Variants in SGCZ observed in about 807,000 individuals in gnomAD.
SGCZ encodes zeta-sarcoglycan.
A neutral mutation model predicts 41.3 loss-of-function variants in SGCZ; 40 were observed. The observed-to-expected ratio is 0.97, with a 90% CI of 0.75 to 1.26. The LOEUF is 1.26. Ranked by LOEUF, SGCZ falls within the 50% of genes most tolerant of loss-of-function variation. The pLI is 0.00. For synonymous variants in SGCZ, 206 were observed against 137.5 expected (o/e 1.50, Z -3.49); for missense variants, 552 against 369.8 (o/e 1.49, Z -4.04).
intron 2 of SGCZ, among the ~76,000 whole-genome samples, chr8:14,342,075 A>G (rs1228534936): frequency 2.0e-5 from 3 of 152,316 alleles, no homozygotes; most frequent in Admixed American, 6.5e-5. Flanking sequence ...AAAATGTAGG[A>G]AAGTTTGGAA....
intron 4 of SGCZ, among the ~76,000 whole-genome samples, chr8:14,181,051 C>T (rs995209766): frequency 6.6e-6 from 1 of 152,136 alleles, no homozygotes; most frequent in African/African-American, 2.4e-5. Context: ...GGCTATTATG[C>T]CCCCTCCTAG....
At chr8:14,624,629 T>G (rs6989004) in intron 1 of SGCZ, among the ~76,000 whole-genome samples, 54,805 of 144,140 alleles carry the variant, frequency 0.38, 10,791 homozygotes, top group East Asian at 0.69. Flanking sequence ...GGAGTGCAGT[T>G]GTGTGATCTC....
At chr8:15,212,202 G>C (rs1464007686) in intron 1 of SGCZ, among the ~76,000 whole-genome samples, 1 of 152,038 alleles carries the variant, frequency 6.6e-6, no homozygotes, top group Non-Finnish European at 1.5e-5. Flanking sequence ...AATCTCTTAA[G>C]GCTCATTGTT....
At chr8:14,293,840 G>A (rs1800924574) in intron 3 of SGCZ, among the ~76,000 whole-genome samples, 2 of 151,798 alleles carry the variant, frequency 1.3e-5, no homozygotes, top group African/African-American at 4.8e-5. Context: ...GTCTTTAGAA[G>A]ATCAAAGTAG....
intron 2 of SGCZ, among the ~76,000 whole-genome samples, chr8:14,345,482 G>A (rs886890028): frequency 3.9e-5 from 6 of 152,232 alleles, no homozygotes; most frequent in Admixed American, 1.3e-4. Context: ...TATGGGTATA[G>A]GTTATGGAGA....
chr8:15,129,707 CAAAAA>C (rs59401421), intron 1 of SGCZ, among the ~76,000 whole-genome samples: 1 of 107,886 alleles, frequency 9.3e-6, no homozygotes, highest in South Asian at 3.3e-4. Flanking sequence ...GAAGCATTTG[CAAAAA>C]AAAAAAAAAA....
intron 1 of SGCZ, among the ~76,000 whole-genome samples, chr8:14,736,581 G>A (rs780710858): frequency 1.2e-4 from 18 of 152,124 alleles, no homozygotes; most frequent in Non-Finnish European, 1.8e-4. Flanking sequence ...CATCACCTGA[G>A]CAGTACACAC....
chr8:14,687,084 A>G (rs1029338827), intron 1 of SGCZ, among the ~76,000 whole-genome samples: 4 of 151,234 alleles, frequency 2.6e-5, no homozygotes, highest in African/African-American at 9.7e-5. Flanking sequence ...TGTACATTTT[A>G]CATTATTTCA....
chr8:14,797,281 T>G, intron 1 of SGCZ, among the ~76,000 whole-genome samples: 1 of 152,184 alleles, frequency 6.6e-6, no homozygotes, highest in East Asian at 1.9e-4. Flanking sequence ...TAGAGACTTG[T>G]TGAATGACTT....
chr8:14,819,111 A>G (rs966229061), intron 1 of SGCZ, among the ~76,000 whole-genome samples: 5 of 148,740 alleles, frequency 3.4e-5, no homozygotes, highest in African/African-American at 5.1e-5. Flanking sequence ...TCAAACTCTC[A>G]AAAGTAAAAG....
In SGCZ at chr8:14,169,598, C is replaced by T. The variant is rs189152526; in HGVS notation, c.425-4896G>A. Among the ~76,000 whole-genome samples, 648 of 152,256 alleles carry T rather than the reference C, an allele frequency of 4.3e-3. 5 individuals carry two copies. Among genetic ancestry groups the T allele is most frequent in the Non-Finnish European group, 7.0e-3 (476 of 68,022 alleles). ...CTCCTTTGTCACCCATGTCCATCTC[C>T]TTTACCAACAACACACTTCCTGTAG... On this transcript the variant is annotated intron_variant, in intron 4 of 7. Transcript: ENST00000382080.
chr8:14,959,881 G>C (rs1320503255), intron 1 of SGCZ, among the ~76,000 whole-genome samples: 3 of 152,148 alleles, frequency 2.0e-5, no homozygotes, highest in Admixed American at 1.3e-4. Context: ...CAGGTAATTA[G>C]CTTTTCCTGA....
chr8:14,640,859 G>A (rs937869577), intron 1 of SGCZ, among the ~76,000 whole-genome samples: 1 of 151,606 alleles, frequency 6.6e-6, no homozygotes, highest in African/African-American at 2.4e-5. Flanking sequence ...CTGGGTATGA[G>A]ACACTAAACA....
intron 1 of SGCZ, among the ~76,000 whole-genome samples, chr8:14,943,633 G>A (rs1800348102): frequency 6.6e-6 from 1 of 152,094 alleles, no homozygotes; most frequent in Admixed American, 6.6e-5. Context: ...TAAACTGTGT[G>A]TCATGGGGGT....
Position 15,054,013 on chromosome 8 carries a change from C to A in SGCZ, c.39+183572G>T, listed in dbSNP as rs566739724. Among the ~76,000 whole-genome samples, 3 of 152,192 alleles carry A rather than the reference C, an allele frequency of 2.0e-5. No individual in the cohort carries two copies. In the East Asian group the frequency reaches 5.8e-4, roughly 29 times the overall value. ...ATGAAACTAACATGACATATTTGACCTTTGCAAAGTGGATGTGATGTGCAG... is the reference window on the plus strand; with the variant it reads ...ATGAAACTAACATGACATATTTGACATTTGCAAAGTGGATGTGATGTGCAG... On this transcript the variant is annotated intron_variant, in intron 1 of 7. Coordinates refer to ENST00000382080, the MANE Select transcript of SGCZ (RefSeq NM_139167.4).
intron 1 of SGCZ, among the ~76,000 whole-genome samples, chr8:14,643,844 A>G (rs1391766305): frequency 6.6e-6 from 1 of 151,734 alleles, no homozygotes; most frequent in East Asian, 1.9e-4. Flanking sequence ...CTCTTTTCAC[A>G]GCTTAACGTG....
intron 4 of SGCZ, among the ~76,000 whole-genome samples, chr8:14,227,770 A>G (rs1413895948): frequency 6.6e-6 from 1 of 151,988 alleles, no homozygotes; most frequent in Non-Finnish European, 1.5e-5. Flanking sequence ...TCCTTTGCTC[A>G]ATTTTCTATT....
chr8:14,770,054 T>C (rs1164954593), intron 1 of SGCZ, among the ~76,000 whole-genome samples: 1 of 151,186 alleles, frequency 6.6e-6, no homozygotes, highest in Non-Finnish European at 1.5e-5. Context: ...ATTTGTTTTT[T>C]CATTTTTAAT....
intron 1 of SGCZ, among the ~76,000 whole-genome samples, chr8:14,574,116 T>C (rs979281553): frequency 6.6e-6 from 1 of 152,192 alleles, no homozygotes; most frequent in African/African-American, 2.4e-5. Flanking sequence ...GATCACTCTC[T>C]AGCTTCACAG....
Sources: allele counts gnomAD v4.1 joint callset (sites outside exome capture counted in the v4.1 genomes callset), GRCh38; gene constraint gnomAD v4.1.1; transcripts MANE v1.5; gene names NCBI Gene and HGNC (gene_info 2026-07-23, HGNC 2026-07-21).